Variants in PRKG1 observed in about 807,000 individuals in gnomAD.
PRKG1 encodes the protein protein kinase cGMP-dependent 1, also known as cGMP-dependent protein kinase 1.
A neutral mutation model predicts 88.1 loss-of-function variants in PRKG1; 35 were observed. That is an observed-to-expected ratio of 0.40 (90% CI 0.30 to 0.53). The LOEUF (loss-of-function observed/expected upper bound fraction) is 0.53, where lower values mean the gene tolerates loss of function less well. PRKG1 is among the 20% of genes least tolerant of loss of function. PRKG1 has a pLI of 0.59. For missense variants in PRKG1, 540 were observed against 839.8 expected (o/e 0.64, Z 4.41); for synonymous variants, 303 against 292.5 (o/e 1.04, Z -0.37).
At chr10:51,797,194 A>T (rs1379720781) in intron 3 of PRKG1, among the ~76,000 whole-genome samples, 16 of 149,222 alleles carry the variant, frequency 1.1e-4, no homozygotes, top group African/African-American at 3.5e-4. Context: ...TTTTTTTTTT[A>T]AATACTGATG....
rs189525483 is a variant in PRKG1 at position 51,393,148 on chromosome 10, G to A, written c.479-74575G>A. Among the ~76,000 whole-genome samples the A allele has an allele frequency of 6.2e-3, 900 of 144,118 alleles. 10 individuals are homozygous for A. Among genetic ancestry groups the A allele is most frequent in the African/African-American group, 0.023 (857 of 37,468 alleles). The allele number at this position is 144,118 out of a possible 152,430, so 94.5% of individuals were successfully genotyped here. A position where few individuals can be genotyped will look rare whatever the true frequency, so the allele number is the denominator to read the frequency against. On this transcript the variant is annotated intron_variant, in intron 2 of 17. Transcript: ENST00000373980. ...GGTCTCCTCACTTCTCAGACGGGGC[G>A]GCCGGGCAGAGACGCTCCTCACCTC...
intron 4 of PRKG1, among the ~76,000 whole-genome samples, chr10:51,815,843 G>A (rs975036367): frequency 1.3e-5 from 2 of 152,126 alleles, no homozygotes; most frequent in Non-Finnish European, 1.5e-5. Flanking sequence ...TCTTTCTAGG[G>A]TGCAGGGAAA....
intron 5 of PRKG1, among the ~76,000 whole-genome samples, chr10:51,959,779 G>GAGAGA (rs2133068763): frequency 6.6e-6 from 1 of 152,244 alleles, no homozygotes; most frequent in East Asian, 1.9e-4. Context: ...TCTAACTGCA[G>GAGAGA]AGAGCCAAGT....
chr10:51,877,259 A>C (rs1841322554), intron 4 of PRKG1, among the ~76,000 whole-genome samples: 1 of 152,176 alleles, frequency 6.6e-6, no homozygotes, highest in Non-Finnish European at 1.5e-5. Context: ...CAGGAGGTTC[A>C]GCCTGCCATG....
intron 3 of PRKG1, among the ~76,000 whole-genome samples, chr10:51,554,258 A>G (rs1190900018): frequency 1.4e-5 from 2 of 147,140 alleles, no homozygotes; most frequent in African/African-American, 4.9e-5. Flanking sequence ...TTATACATAT[A>G]TCTTAGGTTA....
chr10:51,084,775 AG>A (rs1475185039), intron 1 of PRKG1, among the ~76,000 whole-genome samples: 3 of 152,182 alleles, frequency 2.0e-5, no homozygotes, highest in African/African-American at 7.2e-5. Context: ...TTTGAACATG[AG>A]GTAATTATAG....
intron 2 of PRKG1, among the ~76,000 whole-genome samples, chr10:51,173,122 T>C (rs1057382895): frequency 1.3e-5 from 2 of 152,038 alleles, no homozygotes; most frequent in African/African-American, 4.8e-5. Flanking sequence ...ATTTAATTCT[T>C]TTCACATCTA....
intron 5 of PRKG1, among the ~76,000 whole-genome samples, chr10:51,935,829 C>CAA (rs1842788893): frequency 1.3e-5 from 2 of 152,170 alleles, no homozygotes; most frequent in African/African-American, 4.8e-5. Flanking sequence ...AGGTATTCAC[C>CAA]ACAGTGAAGT....
chr10:51,205,153 T>TTTTTTTTTTTTA (rs1838022192), intron 2 of PRKG1, among the ~76,000 whole-genome samples: 1 of 124,586 alleles, frequency 8.0e-6, no homozygotes, highest in Non-Finnish European at 1.6e-5. Flanking sequence ...TTTTTTTTTT[T>TTTTTTTTTTTTA]TTTTGAGACA....
intron 2 of PRKG1, among the ~76,000 whole-genome samples, chr10:51,221,279 C>G (rs1262768740): frequency 6.6e-6 from 1 of 151,842 alleles, no homozygotes; most frequent in Non-Finnish European, 1.5e-5. Context: ...ATAAAATAGT[C>G]TCTCACATCA....
intron 1 of PRKG1, among the ~76,000 whole-genome samples, chr10:51,055,766 A>G (rs1157591333): frequency 2.6e-5 from 4 of 152,062 alleles, no homozygotes; most frequent in Admixed American, 6.5e-5. Flanking sequence ...GATTTTTAAA[A>G]TGTCCCAAAA....
intron 3 of PRKG1, among the ~76,000 whole-genome samples, chr10:51,712,291 G>C (rs899849980): frequency 2.6e-5 from 4 of 152,132 alleles, no homozygotes; most frequent in Non-Finnish European, 5.9e-5. Flanking sequence ...CTTATGACTT[G>C]CTTCAGGGGA....
At chr10:51,347,828 G>A (rs559839038) in intron 2 of PRKG1, among the ~76,000 whole-genome samples, 3 of 152,168 alleles carry the variant, frequency 2.0e-5, no homozygotes, top group East Asian at 1.9e-4. Context: ...TTGGGAGGCC[G>A]AGGCAGGCGG....
intron 2 of PRKG1, among the ~76,000 whole-genome samples, chr10:51,368,998 C>T (rs1842645528): frequency 6.6e-6 from 1 of 151,910 alleles, no homozygotes; most frequent in African/African-American, 2.4e-5. Flanking sequence ...CTTCATAACA[C>T]CAGAAAAAAA....
At chr10:51,833,072 T>G (rs1347045003) in intron 4 of PRKG1, among the ~76,000 whole-genome samples, 2 of 152,158 alleles carry the variant, frequency 1.3e-5, no homozygotes, top group Admixed American at 6.6e-5. Context: ...ATGTTGTGAT[T>G]GTCTCCTTAA....
chr10:51,699,555 C>A (rs189752299), intron 3 of PRKG1: 2 of 1,604,932 alleles, frequency 1.2e-6, no homozygotes, highest in Non-Finnish European at 1.7e-6. Flanking sequence ...GACATGATTC[C>A]GGTTGTGCAG....
intron 3 of PRKG1, chr10:51,697,457 A>G: frequency 1.9e-6 from 1 of 521,464 alleles, no homozygotes; most frequent in Non-Finnish European, 3.4e-6. Flanking sequence ...GGCATAATAT[A>G]ATCATGTTCA....
At chr10:51,229,024 T>C (rs1358771836) in intron 2 of PRKG1, among the ~76,000 whole-genome samples, 1 of 152,186 alleles carries the variant, frequency 6.6e-6, no homozygotes, top group Non-Finnish European at 1.5e-5. Flanking sequence ...CTCCCACCTT[T>C]CCTTTGGATT....
At chr10:51,907,454 A>G in intron 4 of PRKG1, 53 bp from the exon 5 acceptor site, 5 of 1,370,034 alleles carry the variant, frequency 3.6e-6, no homozygotes, top group Non-Finnish European at 5.1e-6. Context: ...TTTATTACTT[A>G]TGAAAGTAAG....
Sources: allele counts gnomAD v4.1 joint callset (sites outside exome capture counted in the v4.1 genomes callset), GRCh38; gene constraint gnomAD v4.1.1; transcripts MANE v1.5; gene names NCBI Gene and HGNC (gene_info 2026-07-23, HGNC 2026-07-21).